Variants in GNB1L observed in about 807,000 individuals in gnomAD.
GNB1L encodes G protein subunit beta 1 like.
In GNB1L, 20 loss-of-function variants were observed where a neutral mutation model predicts 29.1. That is an observed-to-expected ratio of 0.69 (90% CI 0.48 to 1.00). The LOEUF is 1.00. GNB1L is among the 50% of genes least tolerant of loss of function. The probability of loss-of-function intolerance (pLI) is 0.00; values close to 1 mark genes in which losing one functional copy is unlikely to be tolerated. For synonymous variants in GNB1L, 193 were observed against 206.5 expected (o/e 0.93, Z 0.56); for missense variants, 421 against 464.9 (o/e 0.91, Z 0.87).
At chr22:19,795,606 T>C (rs1213118827) in intron 7 of GNB1L, among the ~76,000 whole-genome samples, 1 of 152,042 alleles carries the variant, frequency 6.6e-6, no homozygotes, top group African/African-American at 2.4e-5. Flanking sequence ...AGCTACAAAA[T>C]CAACGAATAT....
intron 7 of GNB1L, among the ~76,000 whole-genome samples, chr22:19,790,098 A>C (rs953417860): frequency 6.6e-6 from 1 of 152,234 alleles, no homozygotes; most frequent in African/African-American, 2.4e-5. Flanking sequence ...TGAACATGTA[A>C]GAACTCAGAG....
At position 19,833,734 on chromosome 22, in the gene GNB1L, C is replaced by T. The variant is rs1262284513; in HGVS notation, c.-20-12359G>A. Among the ~76,000 whole-genome samples, 4 of 151,886 alleles carry T rather than the reference C, an allele frequency of 2.6e-5. No individual in the cohort carries two copies. The East Asian group carries it at 5.8e-4, about 22-fold the overall frequency. On this transcript the variant is annotated intron_variant, in intron 2 of 7. Coordinates refer to ENST00000329517, the MANE Select transcript of GNB1L (RefSeq NM_053004.3). ...TACAAAAATTAGCCAGGCATGGTGG[C>T]GGGCGCCTGTAATCCCAGTTACTTG...
chr22:19,812,425 A>ACAGCTTCAGGTCCCGGCCCTGCTGC lies in GNB1L; in HGVS notation c.276_277insGCAGCAGGGCCGGGACCTGAAGCTG (p.Cys93AlafsTer102). On this transcript the variant is annotated frameshift_variant, in exon 5 of 8. Transcript: ENST00000329517. LOFTEE classifies it high-confidence loss of function. ...CTGCCCTCCGCGAGGTCCCACAGGCACAGCTTCAGGTCCCGGCCCTGACTG... is the reference window on the plus strand; with the variant it reads ...CTGCCCTCCGCGAGGTCCCACAGGCACAGCTTCAGGTCCCGGCCCTGCTGCCAGCTTCAGGTCCCGGCCCTGACTG... The ACAGCTTCAGGTCCCGGCCCTGCTGC allele has an allele frequency of 6.2e-7, 1 of 1,613,140 alleles. No homozygotes were observed. Among genetic ancestry groups the ACAGCTTCAGGTCCCGGCCCTGCTGC allele is most frequent in the Non-Finnish European group, 8.5e-7 (1 of 1,179,750 alleles).
chr22:19,833,634 C>T (rs1382107595), intron 2 of GNB1L, among the ~76,000 whole-genome samples: 1 of 152,092 alleles, frequency 6.6e-6, no homozygotes, highest in Non-Finnish European at 1.5e-5. Flanking sequence ...GAGGCTGAGG[C>T]AGGTGGATCA....
chr22:19,825,211 C>A (rs551707279), intron 2 of GNB1L, among the ~76,000 whole-genome samples: 1 of 152,222 alleles, frequency 6.6e-6, no homozygotes, highest in Non-Finnish European at 1.5e-5. Flanking sequence ...CAGCATCCCC[C>A]GAGGAAGCTC....
intron 2 of GNB1L, chr22:19,847,999 T>A (rs1938006414): frequency 1.0e-6 from 1 of 985,150 alleles, no homozygotes; most frequent in African/African-American, 1.7e-5. Context: ...CTCTAGCCTG[T>A]ACTAAATTTC....
chr22:19,845,238 G>T (rs1937935667), intron 2 of GNB1L, among the ~76,000 whole-genome samples: 3 of 152,240 alleles, frequency 2.0e-5, no homozygotes, highest in African/African-American at 7.2e-5. Flanking sequence ...ACATATGCAT[G>T]CCAGCAATGT....
chr22:19,789,067 C>G (rs531029497), intron 7 of GNB1L, 107 bp from the exon 8 acceptor site: 1 of 1,252,046 alleles, frequency 8.0e-7, no homozygotes, highest in African/African-American at 1.5e-5. Flanking sequence ...GGCCCACAGG[C>G]CCGGGATGTG....
intron 2 of GNB1L, chr22:19,847,482 C>T: frequency 1.0e-6 from 1 of 985,434 alleles, no homozygotes; most frequent in Non-Finnish European, 1.2e-6. Context: ...CTCATTCAAC[C>T]CTTCTAACCA....
intron 2 of GNB1L, chr22:19,849,198 A>G (rs1938034947): frequency 1.0e-6 from 1 of 985,274 alleles, no homozygotes; most frequent in Non-Finnish European, 1.2e-6. Context: ...CTGCTTTCTA[A>G]AAATAGCTTC....
intron 7 of GNB1L, among the ~76,000 whole-genome samples, chr22:19,794,998 A>C (rs1937290664): frequency 6.6e-6 from 1 of 152,012 alleles, no homozygotes; most frequent in South Asian, 2.1e-4. Flanking sequence ...AAAATAAAAT[A>C]ATAAAATAAA....
chr22:19,806,791 C>T (rs775729236), intron 5 of GNB1L, 34 bp from the exon 6 acceptor site: 11 of 1,454,838 alleles, frequency 7.6e-6, no homozygotes, highest in Non-Finnish European at 8.7e-6. Context: ...TTTGGGCCGT[C>T]GCCAAGTCGA....
At chr22:19,814,320 T>C (rs1392213499) in intron 4 of GNB1L, among the ~76,000 whole-genome samples, 1 of 152,184 alleles carries the variant, frequency 6.6e-6, no homozygotes, top group East Asian at 1.9e-4. Context: ...TCTCAACATG[T>C]TGCCCAGGCT....
At position 19,807,656 on chromosome 22, in the gene GNB1L, G is replaced by A. The variant is rs368184642; in HGVS notation, c.418-899C>T. 5.3e-4 allele frequency among the ~76,000 whole-genome samples: 81 copies of A among 152,312 alleles called. 1 individual carries two copies. In the South Asian group the frequency reaches 0.015, roughly 29 times the overall value. On this transcript the variant is annotated intron_variant, in intron 5 of 7. Coordinates refer to ENST00000329517, the MANE Select transcript of GNB1L (RefSeq NM_053004.3). ...CCTTGGACAGAGCCTGGCATACATG[G>A]GGCATCACCCACTTTACACACAAGG...
chr22:19,802,121 G>A lies in GNB1L; in HGVS notation c.612C>T (p.Ile204=), dbSNP rs778824018. ...CCATGACGGGCTCCTCATGGCAGGC[G>A]ATGCGGCTGCACACCTTCTGCTCAG... ...DVSEQKVCSR[I]ACHEEPVMDL... is the part of the protein sequence containing the mutation. Residue 204 remains isoleucine (I), a synonymous_variant, in exon 7 of 8, where the codon ATC becomes ATT. Coordinates refer to ENST00000329517, the MANE Select transcript of GNB1L (RefSeq NM_053004.3). 41 of 1,613,244 alleles carry A rather than the reference G, an allele frequency of 2.5e-5. No individual in the cohort carries two copies. The highest frequency in any genetic ancestry group is 1.6e-4 in the Middle Eastern group (1 of 6,084).
chr22:19,854,277 G>A (rs1938183243), intron 2 of GNB1L, among the ~76,000 whole-genome samples, 166 bp downstream of exon 2: 1 of 152,212 alleles, frequency 6.6e-6, no homozygotes, highest in Admixed American at 6.5e-5. Context: ...CACCTGGAAC[G>A]CTGGAGCCGT....
At chr22:19,812,572 G>A (rs907897702) in intron 4 of GNB1L, 125 bp from the exon 5 acceptor site, 9 of 908,722 alleles carry the variant, frequency 9.9e-6, no homozygotes, top group Middle Eastern at 6.8e-4. Flanking sequence ...TTGGATCATC[G>A]CAGGTCGGGA....
In GNB1L at chr22:19,853,725, G is replaced by T. The variant is rs532594648; in HGVS notation, c.-21+718C>A. The stretch of plus-strand genomic sequence containing the variant: ...TCAGGTCTGACCCCCCTCTGGGGGG[G>T]GGGTCTTCACCTGAAAGCCCAGCCC... On this transcript the variant is annotated intron_variant, in intron 2 of 7. Coordinates refer to ENST00000329517, the MANE Select transcript of GNB1L (RefSeq NM_053004.3). Among the ~76,000 whole-genome samples the T allele has an allele frequency of 5.9e-5, 9 of 152,100 alleles. No homozygotes were observed. The South Asian group carries it at 1.9e-3, about 32-fold the overall frequency.
intron 5 of GNB1L, among the ~76,000 whole-genome samples, chr22:19,809,692 C>T (rs187101108): frequency 2.8e-4 from 42 of 152,262 alleles, no homozygotes; most frequent in Admixed American, 2.1e-3. Context: ...AGTGGGACAC[C>T]GAGGAAGCGA....
Sources: gnomAD v4.1 joint callset for allele counts (sites outside exome capture counted in the v4.1 genomes callset) on GRCh38, gnomAD v4.1.1 for gene constraint, MANE v1.5 for transcripts, NCBI Gene and HGNC (gene_info 2026-07-23, HGNC 2026-07-21) for gene names.